Variants in STK32B observed in about 807,000 individuals in gnomAD.
STK32B encodes serine/threonine-protein kinase 32B.
In STK32B, 43 loss-of-function variants were observed where a neutral mutation model predicts 52.6. The ratio of observed to expected loss-of-function variants is 0.82; its 90% confidence interval spans 0.64 to 1.05. The LOEUF (loss-of-function observed/expected upper bound fraction) is 1.05, where lower values mean the gene tolerates loss of function less well. Among genes scored for constraint, STK32B ranks in the 50% least tolerant of loss-of-function variants. The pLI is 0.00. For synonymous variants in STK32B, 238 were observed against 204.3 expected (o/e 1.17, Z -1.41); for missense variants, 621 against 534.6 (o/e 1.16, Z -1.59).
At chr4:5,156,992 G>GA (rs111709719) in intron 2 of STK32B, among the ~76,000 whole-genome samples, 42 of 148,342 alleles carry the variant, frequency 2.8e-4, no homozygotes, top group African/African-American at 4.9e-4. Flanking sequence ...TTCAGAGTGT[G>GA]AAAAAAAAAA....
At chr4:5,401,242 C>T (rs535643930) in intron 5 of STK32B, among the ~76,000 whole-genome samples, 2 of 152,130 alleles carry the variant, frequency 1.3e-5, no homozygotes, top group Non-Finnish European at 2.9e-5. Flanking sequence ...GTCCTAAGGG[C>T]ACCCCATTCG....
At chr4:5,369,138 C>T (rs1383038222) in intron 4 of STK32B, among the ~76,000 whole-genome samples, 1 of 151,836 alleles carries the variant, frequency 6.6e-6, no homozygotes, top group African/African-American at 2.4e-5. Context: ...CTGGCTGACA[C>T]TTACTCTTCG....
chr4:5,461,848 C>T (rs950840431), intron 9 of STK32B, among the ~76,000 whole-genome samples: 11 of 152,198 alleles, frequency 7.2e-5, no homozygotes, highest in Admixed American at 4.6e-4. Flanking sequence ...GGAATCTGCC[C>T]GGCTGGAAGG....
At chr4:5,038,927 T>C in the STK32B span, among the ~76,000 whole-genome samples, 1 of 151,970 alleles carries the variant, frequency 6.6e-6, no homozygotes, top group African/African-American at 2.4e-5. Flanking sequence ...TTTTTGACTC[T>C]TTTGTAATAA....
At chr4:5,462,932 G>A (rs962366930) in intron 9 of STK32B, among the ~76,000 whole-genome samples, 4 of 152,186 alleles carry the variant, frequency 2.6e-5, no homozygotes, top group African/African-American at 7.2e-5. Context: ...AAACCACAGG[G>A]CAGGGCCCTC....
At chr4:5,306,096 A>G (rs1366396865) in intron 3 of STK32B, among the ~76,000 whole-genome samples, 2 of 151,992 alleles carry the variant, frequency 1.3e-5, no homozygotes, top group African/African-American at 2.4e-5. Context: ...ACTTTCCTAA[A>G]TTTGTTGAGG....
rs756395749 is a variant in STK32B at position 5,398,349 on chromosome 4, A to G, written c.472+105A>G. 15 of 1,191,188 alleles carry G rather than the reference A, an allele frequency of 1.3e-5. No homozygotes were observed. The highest frequency in any genetic ancestry group is 1.3e-5 in the Non-Finnish European group (11 of 820,040). The allele number at this position is 1,191,188 out of a possible 1,614,324, so 73.8% of individuals were successfully genotyped here. A position where few individuals can be genotyped will look rare whatever the true frequency, so the allele number is the denominator to read the frequency against. On this transcript the variant is annotated intron_variant, in intron 5 of 11. Transcript: ENST00000282908. The surrounding 1 kb of genome is among the most constrained non-coding windows in gnomAD (Gnocchi z 4.9). ...GGGTCTTGCTGAGTTGGACATTAGCATTGGCTAGAAACCTTCTCTTGTTTC... is the reference window on the plus strand; with the variant it reads ...GGGTCTTGCTGAGTTGGACATTAGCGTTGGCTAGAAACCTTCTCTTGTTTC...
intron 3 of STK32B, among the ~76,000 whole-genome samples, chr4:5,224,301 G>C (rs1237811932): frequency 1.3e-5 from 2 of 152,210 alleles, no homozygotes; most frequent in African/African-American, 4.8e-5. Context: ...GCTTACATGA[G>C]GGCTCCTCAT....
chr4:5,208,146 G>T (rs553108871), intron 3 of STK32B, among the ~76,000 whole-genome samples: 1 of 152,196 alleles, frequency 6.6e-6, no homozygotes, highest in Non-Finnish European at 1.5e-5. Flanking sequence ...ATTCAGGATT[G>T]TAGGTTGATG....
chr4:5,190,950 C>T (rs1721146729), intron 3 of STK32B, among the ~76,000 whole-genome samples: 1 of 152,196 alleles, frequency 6.6e-6, no homozygotes, highest in African/African-American at 2.4e-5. Flanking sequence ...ACTCCAGAGC[C>T]TGCACTCTCT....
At chr4:5,213,793 G>C (rs1723034261) in intron 3 of STK32B, among the ~76,000 whole-genome samples, 1 of 152,100 alleles carries the variant, frequency 6.6e-6, no homozygotes, top group Non-Finnish European at 1.5e-5. Flanking sequence ...ATTTATATGT[G>C]ATGAATATCT....
intron 11 of STK32B, among the ~76,000 whole-genome samples, chr4:5,472,673 C>G (rs1314742710): frequency 1.3e-5 from 2 of 152,222 alleles, no homozygotes; most frequent in African/African-American, 4.8e-5. Context: ...TCTTTGCTAT[C>G]TCTTGAAGAA....
intron 3 of STK32B, among the ~76,000 whole-genome samples, chr4:5,242,425 T>G (rs1307622987): frequency 6.6e-6 from 1 of 152,166 alleles, no homozygotes; most frequent in Non-Finnish European, 1.5e-5. Flanking sequence ...GATGGGGTTG[T>G]TTGTTTTTTT....
the STK32B span, among the ~76,000 whole-genome samples, chr4:5,034,670 T>G: frequency 1.3e-5 from 2 of 152,212 alleles, no homozygotes; most frequent in African/African-American, 4.8e-5. Flanking sequence ...CAGAGTAATC[T>G]TCACATTTTC....
intron 3 of STK32B, among the ~76,000 whole-genome samples, chr4:5,205,691 C>T (rs1358607332): frequency 5.7e-5 from 3 of 52,914 alleles, no homozygotes; most frequent in African/African-American, 1.4e-4. Flanking sequence ...AGTTCTAGAC[C>T]AGGCGCGCGC....
intron 3 of STK32B, among the ~76,000 whole-genome samples, chr4:5,218,383 C>A (rs919619227): frequency 1.3e-5 from 2 of 152,178 alleles, no homozygotes; most frequent in African/African-American, 4.8e-5. Context: ...AGAATAACAT[C>A]TTGGAATAGG....
At chr4:5,182,908 G>A (rs1720469274) in intron 3 of STK32B, among the ~76,000 whole-genome samples, 1 of 152,158 alleles carries the variant, frequency 6.6e-6, no homozygotes. Context: ...CAGGTGTATT[G>A]TCAACAAGCA....
intron 1 of STK32B, among the ~76,000 whole-genome samples, chr4:5,084,989 A>G (rs1712639897): frequency 6.6e-6 from 1 of 152,202 alleles, no homozygotes. Context: ...AAAAGCACAA[A>G]TCAGTTCCCC....
At chr4:5,341,794 C>T (rs1479628282) in intron 4 of STK32B, among the ~76,000 whole-genome samples, 1 of 152,126 alleles carries the variant, frequency 6.6e-6, no homozygotes. Context: ...AAAGGGGGAG[C>T]AGGCACATTA....
Sources: gnomAD v4.1 joint callset for allele counts (sites outside exome capture counted in the v4.1 genomes callset) on GRCh38, gnomAD v4.1.1 for gene constraint, Gnocchi (gnomAD v3.1) non-coding constraint, MANE v1.5 for transcripts, NCBI Gene and HGNC (gene_info 2026-07-23, HGNC 2026-07-21) for gene names.